INSL6: variants seen among roughly 807,000 people sequenced by gnomAD.
The protein encoded by INSL6 is insulin-like peptide INSL6.
A neutral mutation model predicts 9.4 loss-of-function variants in INSL6; 16 were observed. The observed-to-expected ratio is 1.70, with a 90% CI of 1.15 to 2.59. The LOEUF is 2.59. Ranked by LOEUF, INSL6 falls within the 30% of genes most tolerant of loss-of-function variation. The pLI is 0.00. For synonymous variants in INSL6, 154 were observed against 96.9 expected (o/e 1.59, Z -3.46); for missense variants, 391 against 257.3 (o/e 1.52, Z -3.56).
chr9:5,040,776 T>C, the INSL6 span, among the ~76,000 whole-genome samples: 1 of 152,312 alleles, frequency 6.6e-6, no homozygotes, highest in African/African-American at 2.4e-5. Context: ...CTTCCGCCCT[T>C]AACATGCGGT....
chr9:5,138,919 A>T (rs891852398), intron 2 of INSL6, among the ~76,000 whole-genome samples: 4 of 69,040 alleles, frequency 5.8e-5, no homozygotes, highest in African/African-American at 1.5e-4. Flanking sequence ...AAATAAATAT[A>T]ATAATCCTCT....
chr9:5,069,238 T>C, the INSL6 span: 1 of 1,462,412 alleles, frequency 6.8e-7, no homozygotes, highest in South Asian at 1.2e-5. Context: ...ATTTTTAAAT[T>C]ACTGGTCATG....
At chr9:5,073,841 T>C in the INSL6 span, 1 of 1,170,082 alleles carries the variant, frequency 8.5e-7, no homozygotes, top group Non-Finnish European at 1.3e-6. Flanking sequence ...TTTTTGTTTA[T>C]ATAGAAAATT....
intron 1 of INSL6, among the ~76,000 whole-genome samples, chr9:5,183,265 C>T (rs1431721199): frequency 1.3e-5 from 2 of 152,090 alleles, no homozygotes; most frequent in African/African-American, 4.8e-5. Context: ...TAACCTAACC[C>T]ATTTTTCCTT....
the INSL6 span, among the ~76,000 whole-genome samples, chr9:5,033,747 A>G: frequency 6.6e-6 from 1 of 152,212 alleles, no homozygotes; most frequent in South Asian, 2.1e-4. Context: ...GAAGCACTAA[A>G]CATAGAAAGG....
the INSL6 span, among the ~76,000 whole-genome samples, chr9:5,045,867 C>T: frequency 6.6e-6 from 1 of 152,052 alleles, no homozygotes; most frequent in East Asian, 1.9e-4. Flanking sequence ...CAAATATTTC[C>T]TTGAGTCCCT....
At chr9:5,109,017 T>G in the INSL6 span, 2 of 152,116 alleles carry the variant, frequency 1.3e-5, no homozygotes, top group Non-Finnish European at 2.9e-5. Flanking sequence ...ATCTCACTAA[T>G]CTTGCCTTAC....
At chr9:5,063,199 G>A in the INSL6 span, among the ~76,000 whole-genome samples, 54,995 of 151,828 alleles carry the variant, frequency 0.36, 13,352 homozygotes, top group African/African-American at 0.7. Context: ...TCACATTTTC[G>A]TTCTTATATA....
At chr9:4,999,205 G>C in the INSL6 span, among the ~76,000 whole-genome samples, 1 of 152,112 alleles carries the variant, frequency 6.6e-6, no homozygotes. Context: ...ATTTGACTTC[G>C]GTAGCCCTTA....
At chr9:5,170,322 G>A (rs1481460874) in intron 1 of INSL6, among the ~76,000 whole-genome samples, 5 of 152,026 alleles carry the variant, frequency 3.3e-5, no homozygotes, top group East Asian at 3.8e-4. Context: ...AAGAAACAAC[G>A]TATCAGAATC....
At chr9:5,169,925 T>G (rs562680559) in intron 1 of INSL6, among the ~76,000 whole-genome samples, 1 of 152,246 alleles carries the variant, frequency 6.6e-6, no homozygotes, top group Non-Finnish European at 1.5e-5. Context: ...GTGGGAGACT[T>G]TAACACTCCA....
At chr9:5,184,449 G>A (rs7856912) in intron 1 of INSL6, among the ~76,000 whole-genome samples, 51,662 of 152,012 alleles carry the variant, frequency 0.34, 9,958 homozygotes, top group African/African-American at 0.54. Flanking sequence ...AATGAATCTG[G>A]AACAAGAATA....
the INSL6 span, chr9:5,091,105 T>C: frequency 2.2e-6 from 1 of 456,494 alleles, no homozygotes; most frequent in Non-Finnish European, 3.8e-6. Context: ...GGCATATGCT[T>C]TATTTCTATT....
intron 3 of INSL6, among the ~76,000 whole-genome samples, chr9:5,128,625 T>G (rs1824155591): frequency 6.6e-6 from 1 of 151,958 alleles, no homozygotes; most frequent in Non-Finnish European, 1.5e-5. Flanking sequence ...AAATGCTTCA[T>G]CTTTTAGTTT....
At chr9:5,011,221 C>T in the INSL6 span, among the ~76,000 whole-genome samples, 1 of 148,412 alleles carries the variant, frequency 6.7e-6, no homozygotes, top group Non-Finnish European at 1.5e-5. Flanking sequence ...ATGTATCAGA[C>T]TTTGTTACTC....
chr9:5,161,406 T>C (rs147960641), downstream of INSL6, among the ~76,000 whole-genome samples: 16 of 152,252 alleles, frequency 1.1e-4, no homozygotes, highest in East Asian at 2.9e-3. Context: ...CCTCAAAAAA[T>C]TGAGTATAGA....
chr9:5,159,684 A>G (rs1437814936), downstream of INSL6, among the ~76,000 whole-genome samples: 1 of 152,242 alleles, frequency 6.6e-6, no homozygotes, highest in Non-Finnish European at 1.5e-5. Context: ...GAGAGACCCC[A>G]ATACATTAAA....
At chr9:5,165,234 G>T (rs1446734496) in intron 1 of INSL6, among the ~76,000 whole-genome samples, 1 of 152,122 alleles carries the variant, frequency 6.6e-6, no homozygotes, top group Admixed American at 6.5e-5. Flanking sequence ...AAAGAATAGT[G>T]CTGCTATGAG....
chr9:5,027,047 C>T, the INSL6 span, among the ~76,000 whole-genome samples: 1 of 152,162 alleles, frequency 6.6e-6, no homozygotes, highest in African/African-American at 2.4e-5. Flanking sequence ...TCCTTCTGTG[C>T]AACCACATGC....
Sources: gnomAD v4.1 joint callset for allele counts (sites outside exome capture counted in the v4.1 genomes callset) on GRCh38, gnomAD v4.1.1 for gene constraint, MANE v1.5 for transcripts, NCBI Gene and HGNC (gene_info 2026-07-23, HGNC 2026-07-21) for gene names.